Variants in MRTFB observed in about 807,000 individuals in gnomAD.
MRTFB encodes myocardin related transcription factor B, also known as myocardin-related transcription factor B.
In MRTFB, 29 loss-of-function variants were observed where a neutral mutation model predicts 104.2. The ratio of observed to expected loss-of-function variants is 0.28; its 90% CI spans 0.21 to 0.38. The LOEUF (loss-of-function observed/expected upper bound fraction) is 0.38. Ranked by LOEUF, MRTFB falls within the 10% of genes least tolerant of loss-of-function variation. The pLI, the probability that MRTFB is intolerant of heterozygous loss-of-function variation, is 1.00. For synonymous variants in MRTFB, 535 were observed against 519.5 expected (o/e 1.03, Z -0.41); for missense variants, 1,270 against 1,341.6 (o/e 0.95, Z 0.83).
At chr16:14,019,179 G>A in the MRTFB span, 2 of 152,220 alleles carry the variant, frequency 1.3e-5, no homozygotes, top group East Asian at 3.8e-4. Flanking sequence ...CGCTAGGGGT[G>A]ATGGTGACTG....
chr16:14,113,582 A>T (rs148688354), intron 2 of MRTFB, among the ~76,000 whole-genome samples: 2 of 152,284 alleles, frequency 1.3e-5, no homozygotes, highest in African/African-American at 4.8e-5. Context: ...AGAGAATGGG[A>T]TGATTCCTGT....
Position 14,093,972 on chromosome 16 carries a change from T to C in MRTFB, c.-64+14618T>C, listed in dbSNP as rs556773001. Among the ~76,000 whole-genome samples the C allele has an allele frequency of 2.0e-5, 3 of 152,386 alleles. No individual in the cohort carries two copies. The East Asian group carries it at 5.8e-4, about 29-fold the overall frequency. On this transcript the variant is annotated intron_variant, in intron 2 of 16. Transcript: ENST00000571589. The stretch of plus-strand genomic sequence containing the variant: ...TTCTATTTTCTGAAATGATTCTATT[T>C]TTTAAGAAGTAGTCAGCTTTGTTCT...
the MRTFB span, among the ~76,000 whole-genome samples, chr16:14,021,722 A>G: frequency 1.9e-4 from 29 of 152,258 alleles, no homozygotes; most frequent in African/African-American, 6.7e-4. Context: ...ATAGTCTCCA[A>G]TCCCATCCAG....
At chr16:14,024,889 C>T in the MRTFB span, among the ~76,000 whole-genome samples, 6 of 152,266 alleles carry the variant, frequency 3.9e-5, no homozygotes, top group Non-Finnish European at 7.4e-5. Flanking sequence ...GATGAGGAAA[C>T]AAAGACACAG....
intron 2 of MRTFB, among the ~76,000 whole-genome samples, chr16:14,134,870 A>T (rs2037629060): frequency 6.6e-6 from 1 of 152,210 alleles, no homozygotes; most frequent in African/African-American, 2.4e-5. Context: ...AATCTTTCCA[A>T]GCCTTGGCTT....
At chr16:14,058,718 T>TG in the MRTFB span, among the ~76,000 whole-genome samples, 33 of 135,962 alleles carry the variant, frequency 2.4e-4, no homozygotes, top group African/African-American at 8.3e-4. Context: ...ATTTGTTTTT[T>TG]TTTTTTTTTT....
At chr16:14,200,346 G>C in intron 3 of MRTFB, 1 of 1,607,786 alleles carries the variant, frequency 6.2e-7, no homozygotes, top group Non-Finnish European at 8.5e-7. Flanking sequence ...TAAGGCTGGC[G>C]TAGGGCCGCC....
rs1253987077 is a variant in MRTFB, at chr16:14,251,785, T to C, written c.2404-77T>C. ...TACAGAAAAAGTTTGCTGACCCCTGTCCTAAAACATGGTTTTCTTTACTTC... is the reference window on the plus strand; with the variant it reads ...TACAGAAAAAGTTTGCTGACCCCTGCCCTAAAACATGGTTTTCTTTACTTC... On this transcript the variant is annotated intron_variant, in intron 13 of 16. Transcript: ENST00000571589. 5 of 1,529,780 alleles carry C rather than the reference T, an allele frequency of 3.3e-6. No individual in the cohort carries two copies. In the Admixed American group the frequency reaches 9.0e-5, roughly 28 times the overall value. The allele number at this position is 1,529,780 out of a possible 1,614,324, so 94.8% of individuals were successfully genotyped here. A position where few individuals can be genotyped will look rare whatever the true frequency, so the allele number is the denominator to read the frequency against.
chr16:14,078,925 A>G (rs1596712506), intron 1 of MRTFB, among the ~76,000 whole-genome samples: 2 of 152,300 alleles, frequency 1.3e-5, no homozygotes, highest in South Asian at 4.2e-4. Context: ...GTTGTTACAC[A>G]TATGGGAAAA....
chr16:14,158,576 A>G (rs916488104), intron 3 of MRTFB, among the ~76,000 whole-genome samples: 1 of 152,232 alleles, frequency 6.6e-6, no homozygotes, highest in Non-Finnish European at 1.5e-5. Flanking sequence ...TATAACTTTC[A>G]CATGAAAGGT....
At chr16:14,145,279 G>A (rs972093400) in intron 3 of MRTFB, among the ~76,000 whole-genome samples, 1 of 151,822 alleles carries the variant, frequency 6.6e-6, no homozygotes. Flanking sequence ...AATGAATTCA[G>A]ATTTTTTTGG....
chr16:14,113,828 T>C (rs1371883106), intron 2 of MRTFB, among the ~76,000 whole-genome samples: 1 of 152,214 alleles, frequency 6.6e-6, no homozygotes, highest in Non-Finnish European at 1.5e-5. Context: ...GCCCTCTCCC[T>C]ACATCAAGCT....
chr16:14,126,035 TG>T (rs1157849632), intron 2 of MRTFB, among the ~76,000 whole-genome samples: 1 of 152,182 alleles, frequency 6.6e-6, no homozygotes, highest in African/African-American at 2.4e-5. Context: ...AGAGATAATG[TG>T]GTAAGGAATA....
chr16:14,230,275 G>T (rs1282142626), intron 8 of MRTFB, among the ~76,000 whole-genome samples: 4 of 152,148 alleles, frequency 2.6e-5, no homozygotes, highest in Non-Finnish European at 5.9e-5. Context: ...AGCCAAAATT[G>T]AGAAATGGGA....
chr16:14,094,652 C>T (rs2035262465), intron 2 of MRTFB, among the ~76,000 whole-genome samples: 1 of 152,244 alleles, frequency 6.6e-6, no homozygotes, highest in Non-Finnish European at 1.5e-5. Flanking sequence ...AGCAAAATGG[C>T]GTACAGAAAT....
chr16:14,252,635 T>A, intron 15 of MRTFB, 133 bp downstream of exon 15: 8 of 1,100,494 alleles, frequency 7.3e-6, no homozygotes, highest in Non-Finnish European at 9.9e-6. Flanking sequence ...ACCTTGTATT[T>A]TACATGGTTA....
At chr16:14,141,407 A>G (rs1411298539) in intron 3 of MRTFB, 3 of 152,362 alleles carry the variant, frequency 2.0e-5, no homozygotes, top group Middle Eastern at 3.4e-3. Context: ...TATACTTTTA[A>G]TACTTAAGAT....
At position 14,223,784 on chromosome 16, in the gene MRTFB, G is replaced by A. The variant is rs186516536; in HGVS notation, c.693+4786G>A. On this transcript the variant is annotated intron_variant, in intron 8 of 16. Coordinates refer to ENST00000571589, the MANE Select transcript of MRTFB (RefSeq NM_001308142.2). ...AGTTCCAAAAGGAAAGAGAGAAAGG[G>A]GCAAATACAGTAATTAAAGAAATAA... 9.2e-5 allele frequency among the ~76,000 whole-genome samples: 14 copies of A among 152,148 alleles called. No homozygotes were observed. The East Asian group carries it at 2.5e-3, about 27-fold the overall frequency.
At chr16:14,130,348 T>G (rs1017395473) in intron 2 of MRTFB, among the ~76,000 whole-genome samples, 5 of 152,190 alleles carry the variant, frequency 3.3e-5, no homozygotes, top group African/African-American at 1.2e-4. Flanking sequence ...GAAACCATTG[T>G]TTTTGACAAT....
Sources: gnomAD v4.1 joint callset for allele counts (sites outside exome capture counted in the v4.1 genomes callset) on GRCh38, gnomAD v4.1.1 for gene constraint, MANE v1.5 for transcripts, NCBI Gene and HGNC (gene_info 2026-07-23, HGNC 2026-07-21) for gene names.